The following FOXP2 variants were observed in gnomAD, a reference collection of about 807,000 sequenced individuals.
The protein encoded by FOXP2 is forkhead box P2, also known as forkhead box protein P2.
Under a neutral mutation model 115.8 loss-of-function variants are expected in FOXP2, and 12 were observed. The ratio of observed to expected loss-of-function variants is 0.10; its 90% confidence interval spans 0.07 to 0.17. The LOEUF (loss-of-function observed/expected upper bound fraction) is 0.17, where lower values mean the gene tolerates loss of function less well. Ranked by LOEUF, FOXP2 falls within the 10% of genes least tolerant of loss-of-function variation. FOXP2 has a pLI of 1.00. For missense variants in FOXP2, 629 were observed against 843.5 expected (o/e 0.75, Z 3.15); for synonymous variants, 328 against 297.7 (o/e 1.10, Z -1.05).
chr7:114,582,830 A>G (rs1451204647), intron 3 of FOXP2, among the ~76,000 whole-genome samples: 2 of 152,188 alleles, frequency 1.3e-5, no homozygotes, highest in Admixed American at 6.5e-5. Flanking sequence ...CTGTATTGTC[A>G]GTTTTAAACT....
At chr7:114,209,284 C>A (rs1357725851) in intron 1 of FOXP2, among the ~76,000 whole-genome samples, 1 of 152,206 alleles carries the variant, frequency 6.6e-6, no homozygotes, top group Non-Finnish European at 1.5e-5. Flanking sequence ...TGCGGCCTCT[C>A]CAGCCATGCT....
chr7:114,570,796 G>A, intron 3 of FOXP2: 1 of 1,609,110 alleles, frequency 6.2e-7, no homozygotes, highest in Non-Finnish European at 8.5e-7. Context: ...GATTCTCTTT[G>A]TTTAACCTAG....
chr7:114,577,613 T>C (rs1028767337), intron 3 of FOXP2, among the ~76,000 whole-genome samples: 5 of 151,928 alleles, frequency 3.3e-5, no homozygotes, highest in African/African-American at 1.2e-4. Context: ...CATGAAGTCA[T>C]GATTTCTTTC....
intron 1 of FOXP2, among the ~76,000 whole-genome samples, chr7:114,097,482 G>A (rs924538845): frequency 3.9e-5 from 6 of 152,174 alleles, no homozygotes; most frequent in African/African-American, 1.2e-4. Flanking sequence ...CAAGTATATA[G>A]TTGCTTTTTC....
At chr7:114,689,225 G>A (rs565499298) in intron 16 of FOXP2, among the ~76,000 whole-genome samples, 2 of 151,934 alleles carry the variant, frequency 1.3e-5, no homozygotes, top group Non-Finnish European at 2.9e-5. Flanking sequence ...AATAGTACTG[G>A]CATCCTGGTA....
chr7:114,161,249 T>C (rs112871822), upstream of FOXP2, among the ~76,000 whole-genome samples: 867 of 152,302 alleles, frequency 5.7e-3, 8 homozygotes, highest in African/African-American at 0.02. Context: ...ACAAAACACC[T>C]ACTCTAATCC....
chr7:114,496,710 C>G lies in FOXP2; in HGVS notation c.169-37907C>G, dbSNP rs551610755. Among the ~76,000 whole-genome samples, 4 of 152,148 alleles carry G rather than the reference C, an allele frequency of 2.6e-5. No individual in the cohort carries two copies. The East Asian group carries it at 7.7e-4, about 29-fold the overall frequency. ...ATGTATAGAAGGTTCATCTTAAGAC[C>G]TAAAGTTACTAATGCTAAAAGAAAT... On this transcript the variant is annotated intron_variant, in intron 2 of 16. Coordinates refer to ENST00000350908, the MANE Select transcript of FOXP2 (RefSeq NM_014491.4).
intron 1 of FOXP2, among the ~76,000 whole-genome samples, chr7:114,241,046 G>T (rs1795138177): frequency 6.6e-6 from 1 of 151,906 alleles, no homozygotes; most frequent in Admixed American, 6.6e-5. Context: ...TTTTGTTAAA[G>T]GAGTAATGGA....
intron 2 of FOXP2, among the ~76,000 whole-genome samples, chr7:114,390,683 T>G (rs1296054650): frequency 6.6e-6 from 1 of 151,946 alleles, no homozygotes; most frequent in Non-Finnish European, 1.5e-5. Flanking sequence ...GCCTCCTGAG[T>G]AGCTGGGACT....
chr7:114,157,833 G>T (rs552483157), intron 1 of FOXP2, among the ~76,000 whole-genome samples: 7 of 152,198 alleles, frequency 4.6e-5, no homozygotes, highest in Non-Finnish European at 1.0e-4. Flanking sequence ...AAGACATTTG[G>T]TAGATGTGAG....
chr7:114,245,482 A>C (rs1795258581), intron 1 of FOXP2, among the ~76,000 whole-genome samples: 1 of 152,196 alleles, frequency 6.6e-6, no homozygotes, highest in African/African-American at 2.4e-5. Flanking sequence ...CTCACTTTTG[A>C]AGTTGAGGAA....
At chr7:114,674,565 T>C (rs943769140) in intron 16 of FOXP2, among the ~76,000 whole-genome samples, 6 of 152,194 alleles carry the variant, frequency 3.9e-5, no homozygotes, top group Admixed American at 6.5e-5. Flanking sequence ...AATTTTTATG[T>C]CAAACGTTAT....
At chr7:114,446,123 G>T (rs1286653512) in intron 2 of FOXP2, among the ~76,000 whole-genome samples, 1 of 151,958 alleles carries the variant, frequency 6.6e-6, no homozygotes, top group Non-Finnish European at 1.5e-5. Context: ...AAAATGTGTA[G>T]ATTTTTGTCA....
intron 2 of FOXP2, among the ~76,000 whole-genome samples, chr7:114,494,637 A>G (rs144402368): frequency 2.6e-5 from 4 of 152,326 alleles, no homozygotes; most frequent in African/African-American, 9.6e-5. Flanking sequence ...ATAGAATATC[A>G]GAACATTTAA....
chr7:114,453,062 C>G (rs962431638), intron 2 of FOXP2, among the ~76,000 whole-genome samples: 1 of 151,886 alleles, frequency 6.6e-6, no homozygotes, highest in Non-Finnish European at 1.5e-5. Flanking sequence ...GTTCCAGAAA[C>G]GAAAAACTGA....
intron 1 of FOXP2, among the ~76,000 whole-genome samples, chr7:114,112,898 A>G (rs1003508237): frequency 3.9e-5 from 6 of 152,164 alleles, no homozygotes; most frequent in African/African-American, 4.8e-5. Flanking sequence ...ACTCATGTCT[A>G]TATTGAGTTC....
chr7:114,099,140 A>G (rs894245312), intron 1 of FOXP2, among the ~76,000 whole-genome samples: 1 of 152,178 alleles, frequency 6.6e-6, no homozygotes, highest in African/African-American at 2.4e-5. Flanking sequence ...GTCTCAACAA[A>G]CAAACAAACA....
At chr7:114,263,363 AT>A (rs1795810869) in intron 1 of FOXP2, among the ~76,000 whole-genome samples, 1 of 145,862 alleles carries the variant, frequency 6.9e-6, no homozygotes, top group South Asian at 2.2e-4. Flanking sequence ...TTTTTTTTCA[AT>A]TTTCTTTCCT....
chr7:114,408,198 G>T (rs967688386), intron 2 of FOXP2, among the ~76,000 whole-genome samples: 5 of 152,074 alleles, frequency 3.3e-5, no homozygotes, highest in Non-Finnish European at 5.9e-5. Context: ...GACATCAGAA[G>T]AAAACTAAAT....
Sources: gnomAD v4.1 joint callset for allele counts (sites outside exome capture counted in the v4.1 genomes callset) on GRCh38, gnomAD v4.1.1 for gene constraint, MANE v1.5 for transcripts, NCBI Gene and HGNC (gene_info 2026-07-23, HGNC 2026-07-21) for gene names.